GOLGA3: variants seen among roughly 807,000 people sequenced by gnomAD.
GOLGA3 encodes golgin subfamily A member 3.
In GOLGA3, 75 loss-of-function variants were observed where a neutral mutation model predicts 169.4. That is an observed-to-expected ratio of 0.44 (90% CI 0.37 to 0.54). The LOEUF is 0.54. Ranked by LOEUF, GOLGA3 falls within the 20% of genes least tolerant of loss-of-function variation. The pLI, the probability that GOLGA3 is intolerant of heterozygous loss-of-function variation, is 0.00. For synonymous variants in GOLGA3, 824 were observed against 822.4 expected, an observed-to-expected ratio of 1.00 and a Z score of -0.03; for missense variants, 1,899 against 1,930.0, an observed-to-expected ratio of 0.98 and a Z score of 0.30.
At position 132,770,868 on chromosome 12, in the gene GOLGA3, C is replaced by A. The variant is rs960937347; in HGVS notation, c.*2237G>T. The A allele has an allele frequency of 6.6e-6, 1 of 152,226 alleles. No individual in the cohort carries two copies. Among genetic ancestry groups the A allele is most frequent in the African/African-American group, 2.4e-5 (1 of 41,448 alleles). 9.4% of individuals were successfully genotyped at this position (152,226 alleles called of 1,614,324 possible). ...CAGGATGGTCTGGACCTCTTGACCT[C>A]AGGTGATCCACCCGCCTCGGCCTCC... On this transcript the variant is annotated 3_prime_UTR_variant, in exon 24 of 24. Coordinates refer to ENST00000450791, the MANE Select transcript of GOLGA3 (RefSeq NM_001389683.1).
intron 2 of GOLGA3, among the ~76,000 whole-genome samples, chr12:132,821,408 G>GAAAA (rs34162286): frequency 6.8e-6 from 1 of 147,376 alleles, no homozygotes; most frequent in Non-Finnish European, 1.5e-5. Flanking sequence ...ACTCCACGTC[G>GAAAA]AAAAAAAAAA....
chr12:132,789,697 C>T (rs945478298), intron 12 of GOLGA3, among the ~76,000 whole-genome samples: 2 of 151,798 alleles, frequency 1.3e-5, no homozygotes, highest in East Asian at 3.9e-4. Context: ...TACAGCAGGC[C>T]GGGCGCGGTG....
At chr12:132,816,199 G>A (rs76532404) in intron 3 of GOLGA3, among the ~76,000 whole-genome samples, 2 of 151,132 alleles carry the variant, frequency 1.3e-5, no homozygotes, top group African/African-American at 4.9e-5. Flanking sequence ...CTCTGTCTCA[G>A]AAAAAAAAAG....
chr12:132,773,546 CT>C (rs1214695167), intron 23 of GOLGA3, among the ~76,000 whole-genome samples: 1 of 152,242 alleles, frequency 6.6e-6, no homozygotes, highest in African/African-American at 2.4e-5. Context: ...GCACACACGA[CT>C]TCCACTCCGT....
intron 1 of GOLGA3, among the ~76,000 whole-genome samples, chr12:132,824,455 C>A (rs563481087): frequency 6.6e-6 from 1 of 152,294 alleles, no homozygotes; most frequent in Admixed American, 6.5e-5. Context: ...GGGTTTGTAA[C>A]CAGAAAGCAC....
At position 132,769,032 on chromosome 12, in the gene GOLGA3, C is replaced by G. The variant is rs2044778095; in HGVS notation, c.*4073G>C. Reference sequence around the variant, plus strand: ...TTTGTCAGACACGGTGACCCCTTTCCCAAGAACAGCCACAACTTGAGGACT... The same window carrying G: ...TTTGTCAGACACGGTGACCCCTTTCGCAAGAACAGCCACAACTTGAGGACT... On this transcript the variant is annotated 3_prime_UTR_variant, in exon 24 of 24. Transcript: ENST00000450791. 6.6e-6 allele frequency: 1 copy of G among 152,616 alleles called. No individual in the cohort carries two copies. Among genetic ancestry groups the G allele is most frequent in the Non-Finnish European group, 1.5e-5 (1 of 68,028 alleles). 9.5% of individuals were successfully genotyped at this position (152,616 alleles called of 1,614,324 possible).
Position 132,773,165 on chromosome 12 carries a change from T to C in GOLGA3, c.4437A>G (p.Pro1479=). Residue 1479 remains proline (P), a synonymous_variant, in exon 24 of 24, where the codon CCA becomes CCG. Transcript: ENST00000450791. The part of the protein sequence containing the change: ...SPVPPGGHAG[P]RGDPQRHSQS... ...GACTGTGTCTCTGTGGGTCGCCGCG[T>C]GGGCCGGCGTGACCCCCCGGGGGCA... 2 of 1,584,534 alleles carry C rather than the reference T, an allele frequency of 1.3e-6. No individual in the cohort carries two copies. Among genetic ancestry groups the C allele is most frequent in the Non-Finnish European group, 1.7e-6 (2 of 1,164,760 alleles).
At position 132,784,175 on chromosome 12, in the gene GOLGA3, G is replaced by A. The variant is rs1024281951; in HGVS notation, c.3256C>T (p.Leu1086=). Reference sequence around the variant, plus strand: ...TGGCCAGGCCTCACCTCGTCCTCCAGCTCCAGCACCTTCTCCCGGGACTCC... The same window carrying A: ...TGGCCAGGCCTCACCTCGTCCTCCAACTCCAGCACCTTCTCCCGGGACTCC... ...LEESREKVLE[L]EDELQESRGF... is the part of the protein sequence containing the mutation. The change falls in exon 16 of 24, where the codon CTG becomes TTG. Residue 1086 remains leucine (L), a synonymous_variant. Transcript: ENST00000450791. The A allele has an allele frequency of 1.2e-6, 2 of 1,608,262 alleles. No homozygotes were observed. Among genetic ancestry groups the A allele is most frequent in the Non-Finnish European group, 1.7e-6 (2 of 1,179,982 alleles).
intron 2 of GOLGA3, 116 bp from the exon 3 acceptor site, chr12:132,816,928 T>C (rs1176410249): frequency 1.8e-5 from 17 of 957,486 alleles, no homozygotes; most frequent in Non-Finnish European, 2.4e-5. Flanking sequence ...CACGGCACTT[T>C]CTCATCCCAC....
chr12:132,795,869 C>T lies in GOLGA3; in HGVS notation c.2452G>A (p.Ala818Thr), dbSNP rs779252859. ...TGCATTACCTGGCCGGATTTGATAG[C>T]TAATTCTTCTCTTAACTTCTCTAAA... is the stretch of plus-strand genomic sequence containing the variant. ...ETLEKLREEL[A>T]IKSGQVEHLQ... The change falls in exon 11 of 24, where the codon GCT becomes ACT. Residue 818 changes from alanine to threonine, a missense_variant. Coordinates refer to ENST00000450791, the MANE Select transcript of GOLGA3 (RefSeq NM_001389683.1). 6.2e-7 allele frequency: 1 copy of T among 1,612,872 alleles called. No individual in the cohort carries two copies. The highest frequency in any genetic ancestry group is 1.3e-5 in the African/African-American group (1 of 75,022).
At chr12:132,795,758 CAAAAAAAA>C (rs369080549) in intron 11 of GOLGA3, 86 bp downstream of exon 11, 1 of 1,137,904 alleles carries the variant, frequency 8.8e-7, no homozygotes, top group South Asian at 1.8e-5. Flanking sequence ...GAGACTGTTT[CAAAAAAAA>C]AAGAAAGAAA....
chr12:132,779,982 G>A (rs538412120), intron 18 of GOLGA3, among the ~76,000 whole-genome samples: 57 of 98,330 alleles, frequency 5.8e-4, no homozygotes, highest in Middle Eastern at 0.024. Context: ...CGCACAGCCC[G>A]CGTGCACACA....
At position 132,813,319 on chromosome 12, in the gene GOLGA3, G is replaced by C; in HGVS notation, c.507C>G (p.Arg169=). ...EEQLKQYRVK[R]QQERSSQPAT... The stretch of plus-strand genomic sequence containing the variant: ...GAGGGAGACTCACCCTCTCCTGCTG[G>C]CGCTTCACCCTGTACTGTTTGAGCT... Residue 169 remains arginine (R), a synonymous_variant, in exon 4 of 24, where the codon CGC becomes CGG. Transcript: ENST00000450791. The C allele has an allele frequency of 6.2e-7, 1 of 1,609,748 alleles. No individual in the cohort carries two copies. Among genetic ancestry groups the C allele is most frequent in the Non-Finnish European group, 8.5e-7 (1 of 1,176,430 alleles).
rs371319283 is a variant in GOLGA3 at position 132,783,837 on chromosome 12, A to G, written c.3267+327T>C. 5 of 1,297,142 alleles carry G rather than the reference A, an allele frequency of 3.9e-6. No homozygotes were observed. In the African/African-American group the frequency reaches 7.5e-5, roughly 19 times the overall value. The allele number at this position is 1,297,142 out of a possible 1,614,324, so 80.4% of individuals were successfully genotyped here. A position where few individuals can be genotyped will look rare whatever the true frequency, so the allele number is the denominator to read the frequency against. On this transcript the variant is annotated intron_variant, in intron 16 of 23. Coordinates refer to ENST00000450791, the MANE Select transcript of GOLGA3 (RefSeq NM_001389683.1). Reference sequence around the variant, plus strand: ...ATGATCCGCCCACCTCAGCCTCCCAAAGTGCTGGGATTACAGGCATGAGCC... The same window carrying G: ...ATGATCCGCCCACCTCAGCCTCCCAGAGTGCTGGGATTACAGGCATGAGCC...
At chr12:132,790,218 C>CA (rs1173513082) in intron 12 of GOLGA3, among the ~76,000 whole-genome samples, 1 of 152,148 alleles carries the variant, frequency 6.6e-6, no homozygotes, top group Non-Finnish European at 1.5e-5. Flanking sequence ...CCTGTAGTCC[C>CA]AGCTACTCAG....
rs2044823166 is a variant in GOLGA3 at position 132,769,889 on chromosome 12, G to A, written c.*3216C>T. On this transcript the variant is annotated 3_prime_UTR_variant, in exon 24 of 24. Coordinates refer to ENST00000450791, the MANE Select transcript of GOLGA3 (RefSeq NM_001389683.1). ...GTAACTCTGGAAGGTAGAAGTGCCG[G>A]GAGAGTCCCTTGGAGATAAAAAAAC... 6.6e-6 allele frequency: 1 copy of A among 152,266 alleles called. No individual in the cohort carries two copies. Among genetic ancestry groups the A allele is most frequent in the Non-Finnish European group, 1.5e-5 (1 of 68,016 alleles). The allele number at this position is 152,266 out of a possible 1,614,324, so 9.4% of individuals were successfully genotyped here. A position where few individuals can be genotyped will look rare whatever the true frequency, so the allele number is the denominator to read the frequency against.
rs934045005 is a variant in GOLGA3 at position 132,807,471 on chromosome 12, G to C, written c.1179-183C>G. Among the ~76,000 whole-genome samples the C allele has an allele frequency of 2.6e-5, 4 of 152,190 alleles. No homozygotes were observed. The South Asian group carries it at 8.3e-4, about 32-fold the overall frequency. ...CGGATGAACATTCCTGCCAACAGTT[G>C]GCACCTCACGCAGTGGGAACTGTTA... On this transcript the variant is annotated intron_variant, in intron 5 of 23. Transcript: ENST00000450791.
intron 2 of GOLGA3, among the ~76,000 whole-genome samples, chr12:132,817,997 G>C (rs1326659408): frequency 1.4e-5 from 1 of 73,200 alleles, no homozygotes; most frequent in Admixed American, 1.5e-4. Flanking sequence ...CACACTCTAA[G>C]GTGAACTCAC....
chr12:132,816,728 G>A lies in GOLGA3; in HGVS notation c.218C>T (p.Pro73Leu). Residue 73 changes from proline to leucine, a missense_variant, in exon 3 of 24, where the codon CCA becomes CTA. Pro to Leu is a moderately conservative substitution (Grantham distance 98). Transcript: ENST00000450791. Reference protein sequence around the residue: ...QGGLCQNGPTPPFPDPPSSLD... With the variant: ...QGGLCQNGPTLPFPDPPSSLD... ...AGACGACGGAGGGTCTGGGAAGGGT[G>A]GCGTTGGCCCGTTCTGACAGAGGCC... The A allele has an allele frequency of 6.2e-7, 1 of 1,614,038 alleles. No individual in the cohort carries two copies. The highest frequency in any genetic ancestry group is 1.3e-5 in the African/African-American group (1 of 75,036).
Sources: gnomAD v4.1 joint callset for allele counts (sites outside exome capture counted in the v4.1 genomes callset) on GRCh38, gnomAD v4.1.1 for gene constraint, MANE v1.5 for transcripts, NCBI Gene and HGNC (gene_info 2026-07-23, HGNC 2026-07-21) for gene names.